The following NANOG variants were observed in gnomAD, a reference collection of about 807,000 sequenced individuals.
NANOG encodes homeobox protein NANOG.
Under a neutral mutation model 17.7 loss-of-function variants are expected in NANOG, and 2 were observed. The observed-to-expected ratio is 0.11, with a 90% confidence interval of 0.05 to 0.36. The LOEUF is 0.36. Among genes scored for constraint, NANOG ranks in the 10% least tolerant of loss-of-function variants. The probability of loss-of-function intolerance (pLI) is 1.00; values close to 1 mark genes in which losing one functional copy is unlikely to be tolerated. For missense variants in NANOG, 174 were observed against 362.1 expected, an observed-to-expected ratio of 0.48 and a Z score of 4.22; for synonymous variants, 81 against 124.7, an observed-to-expected ratio of 0.65 and a Z score of 2.33.
At position 7,795,255 on chromosome 12, in the gene NANOG, T is replaced by C. The variant is rs1862905439; in HGVS notation, c.*160T>C. The C allele has an allele frequency of 3.3e-6, 2 of 605,212 alleles. No individual in the cohort carries two copies. The highest frequency in any genetic ancestry group is 2.0e-5 in the South Asian group (1 of 50,408). 37.5% of individuals were successfully genotyped at this position (605,212 alleles called of 1,614,324 possible). On this transcript the variant is annotated 3_prime_UTR_variant, in exon 4 of 4. Coordinates refer to ENST00000229307, the MANE Select transcript of NANOG (RefSeq NM_024865.4). ...CAATCTCATGGAGGGTGGAGTATGG[T>C]TGGAGCCTAATCAGCGAGGTTTCTT...
At chr12:7,792,917 A>C in intron 1 of NANOG, 33 bp from the exon 2 acceptor site, 1 of 1,553,812 alleles carries the variant, frequency 6.4e-7, no homozygotes, top group Non-Finnish European at 8.7e-7. Flanking sequence ...GAAAAATTTT[A>C]GACAAAAGTG....
rs1862943485 is a variant in NANOG, at chr12:7,797,212, A to G, written c.*2117A>G. ...TGGGATTACAGGCACCCAACATTAC[A>G]CCCGGCTAATTTTTGGTATTTTTAG... On this transcript the variant is annotated 3_prime_UTR_variant, in exon 4 of 4. Coordinates refer to ENST00000229307, the MANE Select transcript of NANOG (RefSeq NM_024865.4). 1 of 149,712 alleles carries G rather than the reference A, an allele frequency of 6.7e-6. No individual in the cohort carries two copies. The highest frequency in any genetic ancestry group is 2.5e-5 in the African/African-American group (1 of 40,298). The allele number at this position is 149,712 out of a possible 1,614,324, so 9.3% of individuals were successfully genotyped here.
chr12:7,794,154 G>A (rs877717), intron 2 of NANOG, among the ~76,000 whole-genome samples: 36,857 of 152,084 alleles, frequency 0.24, 5,152 homozygotes, highest in Middle Eastern at 0.35. Context: ...GCTCACTGCA[G>A]CCTTCACTTC....
At chr12:7,792,467 C>A (rs758928974) in intron 1 of NANOG, among the ~76,000 whole-genome samples, 6 of 152,148 alleles carry the variant, frequency 3.9e-5, no homozygotes, top group Admixed American at 3.9e-4. Context: ...GAGTTCGAGA[C>A]CAGCCTCACC....
intron 1 of NANOG, among the ~76,000 whole-genome samples, chr12:7,790,083 A>G (rs1005514748): frequency 6.7e-6 from 1 of 149,064 alleles, no homozygotes; most frequent in Non-Finnish European, 1.5e-5. Context: ...AGTTAAATGA[A>G]GGTGATGTGT....
At chr12:7,790,537 T>G (rs893264558) in intron 1 of NANOG, among the ~76,000 whole-genome samples, 1 of 152,214 alleles carries the variant, frequency 6.6e-6, no homozygotes, top group African/African-American at 2.4e-5. Context: ...ATAAAGCCGC[T>G]ACCACTTTTT....
chr12:7,794,399 G>T lies in NANOG; in HGVS notation c.415-58G>T. ...GGAATAAAAGTTAGCAATATACTTT[G>T]ATTCAAAGTACCTCTGTATTATGAA... is the stretch of plus-strand genomic sequence containing the variant. On this transcript the variant is annotated intron_variant, in intron 2 of 3. Transcript: ENST00000229307. 5 of 1,449,564 alleles carry T rather than the reference G, an allele frequency of 3.4e-6. No individual in the cohort carries two copies. The South Asian group carries it at 3.6e-5, about 10-fold the overall frequency. 89.8% of individuals were successfully genotyped at this position (1,449,564 alleles called of 1,614,324 possible).
chr12:7,798,157 A>C lies in NANOG; in HGVS notation c.*3062A>C, dbSNP rs1862954727. The C allele has an allele frequency of 6.6e-6, 1 of 152,170 alleles. No individual in the cohort carries two copies. Among genetic ancestry groups the C allele is most frequent in the Non-Finnish European group, 1.5e-5 (1 of 68,046 alleles). The allele number at this position is 152,170 out of a possible 1,614,324, so 9.4% of individuals were successfully genotyped here. ...TTCGGGAGACCAAGGCAGGTGGATC[A>C]CCTGAGGTCAGGAGTTCAAGTTTAG... is the stretch of plus-strand genomic sequence containing the variant. On this transcript the variant is annotated 3_prime_UTR_variant, in exon 4 of 4. Coordinates refer to ENST00000229307, the MANE Select transcript of NANOG (RefSeq NM_024865.4).
intron 2 of NANOG, among the ~76,000 whole-genome samples, chr12:7,794,234 C>G (rs937682608): frequency 1.1e-4 from 16 of 143,602 alleles, no homozygotes; most frequent in African/African-American, 3.9e-4. Context: ...GCATTACACC[C>G]GGCTAATTTT....
chr12:7,789,854 C>T (rs772029508), intron 1 of NANOG, 89 bp downstream of exon 1: 39 of 1,284,566 alleles, frequency 3.0e-5, no homozygotes, highest in Non-Finnish European at 3.2e-5. Flanking sequence ...CCCTCTTGAG[C>T]AATGATGGAC....
At chr12:7,790,777 A>AGC (rs1862829203) in intron 1 of NANOG, among the ~76,000 whole-genome samples, 2 of 152,116 alleles carry the variant, frequency 1.3e-5, no homozygotes, top group Non-Finnish European at 2.9e-5. Context: ...TCAGGGACTC[A>AGC]CTTTGTCACA....
rs867186689 is a variant in NANOG, at chr12:7,797,700, C to G, written c.*2605C>G. 91 of 152,218 alleles carry G rather than the reference C, an allele frequency of 6.0e-4. No individual in the cohort carries two copies. The highest frequency in any genetic ancestry group is 3.4e-3 in the Middle Eastern group (1 of 296). The allele number at this position is 152,218 out of a possible 1,614,324, so 9.4% of individuals were successfully genotyped here. A position where few individuals can be genotyped will look rare whatever the true frequency, so the allele number is the denominator to read the frequency against. On this transcript the variant is annotated 3_prime_UTR_variant, in exon 4 of 4. Coordinates refer to ENST00000229307, the MANE Select transcript of NANOG (RefSeq NM_024865.4). ...AGACGGGCTTATTCTGCTGCTCAGA[C>G]TGGGGCTTAGTGGCACCATTTCACC...
chr12:7,791,977 C>T (rs1862847043), intron 1 of NANOG, among the ~76,000 whole-genome samples: 1 of 152,180 alleles, frequency 6.6e-6, no homozygotes, highest in Admixed American at 6.5e-5. Context: ...TTACTGCAAT[C>T]ACGGCCTCCT....
At position 7,793,216 on chromosome 12, in the gene NANOG, G is replaced by A; in HGVS notation, c.414+4G>A. The A allele has an allele frequency of 6.2e-7, 1 of 1,613,676 alleles. No individual in the cohort carries two copies. The highest frequency in any genetic ancestry group is 8.5e-7 in the Non-Finnish European group (1 of 1,179,792). ...CCTGAACCTCAGCTACAAACAGGTA[G>A]GCTTGTTTTGTCCTTGGAATAAGGT... On this transcript the variant is annotated splice_donor_region_variant and intron_variant, in intron 2 of 3. Transcript: ENST00000229307.
intron 1 of NANOG, among the ~76,000 whole-genome samples, chr12:7,790,439 C>G (rs1190442664): frequency 2.0e-5 from 3 of 152,098 alleles, no homozygotes; most frequent in Non-Finnish European, 4.4e-5. Context: ...CAGAATGTAG[C>G]TAGAAGTCCA....
In NANOG at chr12:7,798,407, A is replaced by G. The variant is rs1488867660; in HGVS notation, c.*3312A>G. 1.3e-5 allele frequency: 2 copies of G among 152,208 alleles called. No individual in the cohort carries two copies. The highest frequency in any genetic ancestry group is 6.5e-5 in the Admixed American group (1 of 15,274). The allele number at this position is 152,208 out of a possible 1,614,324, so 9.4% of individuals were successfully genotyped here. A position where few individuals can be genotyped will look rare whatever the true frequency, so the allele number is the denominator to read the frequency against. On this transcript the variant is annotated 3_prime_UTR_variant, in exon 4 of 4. Coordinates refer to ENST00000229307, the MANE Select transcript of NANOG (RefSeq NM_024865.4). ...AATAATAGGAGATTAGGCAAAAAGG[A>G]TAGTACAAGGCTCTCTGTTTAACAT...
In NANOG at chr12:7,797,830, T is replaced by G. The variant is rs1038892059; in HGVS notation, c.*2735T>G. ...CACCATGCCAGCTAACTTTTGTGTT[T>G]TTAGGAGAGACGGGGTTTCCCCATG... is the stretch of plus-strand genomic sequence containing the variant. On this transcript the variant is annotated 3_prime_UTR_variant, in exon 4 of 4. Coordinates refer to ENST00000229307, the MANE Select transcript of NANOG (RefSeq NM_024865.4). 5.3e-5 allele frequency: 8 copies of G among 152,176 alleles called. No homozygotes were observed. Among genetic ancestry groups the G allele is most frequent in the African/African-American group, 1.9e-4 (8 of 41,400 alleles). The allele number at this position is 152,176 out of a possible 1,614,324, so 9.4% of individuals were successfully genotyped here.
At chr12:7,789,955 C>T (rs1303306595) in intron 1 of NANOG, among the ~76,000 whole-genome samples, 190 bp downstream of exon 1, 3 of 152,134 alleles carry the variant, frequency 2.0e-5, no homozygotes, top group Non-Finnish European at 2.9e-5. Context: ...TGAACTATGT[C>T]CCAGGTCTCA....
At chr12:7,790,534 C>T (rs1018430831) in intron 1 of NANOG, among the ~76,000 whole-genome samples, 3 of 152,112 alleles carry the variant, frequency 2.0e-5, no homozygotes, top group South Asian at 2.1e-4. Context: ...CTCATAAAGC[C>T]GCTACCACTT....
Sources: gnomAD v4.1 joint callset for allele counts (sites outside exome capture counted in the v4.1 genomes callset) on GRCh38, gnomAD v4.1.1 for gene constraint, MANE v1.5 for transcripts, NCBI Gene and HGNC (gene_info 2026-07-23, HGNC 2026-07-21) for gene names.